The following PCNX2 variants were observed in gnomAD, a reference collection of about 807,000 sequenced individuals.
PCNX2 encodes pecanex 2.
Under a neutral mutation model 223.8 loss-of-function variants are expected in PCNX2, and 168 were observed. The observed-to-expected ratio is 0.75, with a 90% CI of 0.66 to 0.85. The LOEUF (loss-of-function observed/expected upper bound fraction) is 0.85, where lower values mean the gene tolerates loss of function less well. PCNX2 is among the 40% of genes least tolerant of loss of function. The pLI is 0.00. For missense variants in PCNX2, 2,507 were observed against 2,675.5 expected, an observed-to-expected ratio of 0.94 and a Z score of 1.39; for synonymous variants, 1,006 against 1,052.6, an observed-to-expected ratio of 0.96 and a Z score of 0.86.
At chr1:233,208,451 CA>C (rs1377879322) in intron 13 of PCNX2, 66 bp downstream of exon 13, 1 of 1,463,156 alleles carries the variant, frequency 6.8e-7, no homozygotes, top group Non-Finnish European at 9.3e-7. Flanking sequence ...CTTAGAAATT[CA>C]GAAGACAAAG....
chr1:233,179,051 G>A lies in PCNX2; in HGVS notation c.3176+15C>T. 6.2e-7 allele frequency: 1 copy of A among 1,610,722 alleles called. No homozygotes were observed. The highest frequency in any genetic ancestry group is 8.5e-7 in the Non-Finnish European group (1 of 1,177,382). On this transcript the variant is annotated intron_variant, in intron 16 of 33. Transcript: ENST00000258229. ...CCAGCTCAGTGATGAGAGAGCACAG[G>A]CATAGACCACTCACATGAGTACAGA... is the stretch of plus-strand genomic sequence containing the variant.
chr1:233,265,534 G>A (rs1018270066), intron 1 of PCNX2, among the ~76,000 whole-genome samples: 1 of 152,168 alleles, frequency 6.6e-6, no homozygotes, highest in Non-Finnish European at 1.5e-5. Flanking sequence ...TTTTCCAGAT[G>A]ATATGTCTAT....
rs538704347 is a variant in PCNX2, at chr1:233,080,594, A to T, written c.4076+9467T>A. 2.0e-5 allele frequency among the ~76,000 whole-genome samples: 3 copies of T among 152,282 alleles called. No individual in the cohort carries two copies. In the South Asian group the frequency reaches 6.2e-4, roughly 32 times the overall value. On this transcript the variant is annotated intron_variant, in intron 23 of 33. Transcript: ENST00000258229. ...CTATTAAGGGCCTCTTCCAGGTTGC[A>T]GAATGCCAAACTCTCACTGTATCCT...
intron 19 of PCNX2, among the ~76,000 whole-genome samples, chr1:233,151,080 C>T (rs1355962015): frequency 6.6e-6 from 1 of 152,156 alleles, no homozygotes; most frequent in Non-Finnish European, 1.5e-5. Flanking sequence ...CTTACTTTTG[C>T]ATCCTCAACG....
chr1:233,300,603 G>A (rs1482778026), upstream of PCNX2, among the ~76,000 whole-genome samples: 1 of 152,174 alleles, frequency 6.6e-6, no homozygotes, highest in Non-Finnish European at 1.5e-5. Flanking sequence ...GCTTTGCAGA[G>A]CAGTACAATC....
intron 27 of PCNX2, among the ~76,000 whole-genome samples, chr1:233,015,715 AT>A (rs1247863236): frequency 6.6e-6 from 1 of 152,024 alleles, no homozygotes; most frequent in Admixed American, 6.6e-5. Context: ...AAATAAAAAA[AT>A]ATAATAAATT....
chr1:233,152,020 T>C (rs1396035777), intron 19 of PCNX2, among the ~76,000 whole-genome samples: 1 of 152,192 alleles, frequency 6.6e-6, no homozygotes, highest in Non-Finnish European at 1.5e-5. Context: ...TTGGCTTCAC[T>C]GCCAAACCCC....
At chr1:233,050,794 G>A (rs1671977231) in intron 25 of PCNX2, among the ~76,000 whole-genome samples, 1 of 151,948 alleles carries the variant, frequency 6.6e-6, no homozygotes, top group African/African-American at 2.4e-5. Flanking sequence ...GTCTTCAAAA[G>A]CAATTGCAAA....
intron 17 of PCNX2, among the ~76,000 whole-genome samples, chr1:233,173,902 T>C (rs180906322): frequency 1.3e-5 from 2 of 151,912 alleles, no homozygotes; most frequent in Admixed American, 1.3e-4. Context: ...TCTGGTTGTA[T>C]TTATGAATAC....
At chr1:233,259,487 G>C in intron 4 of PCNX2, 143 bp from the exon 5 acceptor site, 1 of 1,246,144 alleles carries the variant, frequency 8.0e-7, no homozygotes, top group Non-Finnish European at 1.1e-6. Flanking sequence ...TTTAAGTTCT[G>C]GGTTACATGT....
At chr1:233,232,639 CT>C (rs1658137186) in intron 9 of PCNX2, among the ~76,000 whole-genome samples, 1 of 152,242 alleles carries the variant, frequency 6.6e-6, no homozygotes, top group African/African-American at 2.4e-5. Context: ...GATGTCTCCT[CT>C]TTTTCATCTC....
chr1:233,004,451 C>A (rs1020494831), intron 28 of PCNX2, among the ~76,000 whole-genome samples: 1 of 150,800 alleles, frequency 6.6e-6, no homozygotes, highest in Non-Finnish European at 1.5e-5. Context: ...AGAGGAAGAA[C>A]AGTTTCTCCT....
At chr1:233,276,520 T>A (rs1318708178) in intron 1 of PCNX2, among the ~76,000 whole-genome samples, 1 of 152,210 alleles carries the variant, frequency 6.6e-6, no homozygotes, top group Non-Finnish European at 1.5e-5. Context: ...TAATTATTAT[T>A]TTATAACACT....
At chr1:233,281,920 C>A (rs1261413799) in intron 1 of PCNX2, among the ~76,000 whole-genome samples, 4 of 152,120 alleles carry the variant, frequency 2.6e-5, no homozygotes, top group Non-Finnish European at 5.9e-5. Context: ...AAATCACAGC[C>A]CTACTCTCAA....
chr1:233,297,192 G>T (rs1476152813), upstream of PCNX2, among the ~76,000 whole-genome samples: 1 of 148,416 alleles, frequency 6.7e-6, no homozygotes, highest in Non-Finnish European at 1.5e-5. Context: ...ATGGGTATAG[G>T]AGGAAAGGTC....
At chr1:233,072,111 A>G (rs1391100038) in intron 23 of PCNX2, among the ~76,000 whole-genome samples, 1 of 152,106 alleles carries the variant, frequency 6.6e-6, no homozygotes, top group Non-Finnish European at 1.5e-5. Flanking sequence ...TACTCTGTGG[A>G]TAGTTTCTTT....
intron 21 of PCNX2, among the ~76,000 whole-genome samples, chr1:233,108,922 AAAGAGT>A (rs1674961073): frequency 6.6e-6 from 1 of 152,248 alleles, no homozygotes; most frequent in East Asian, 1.9e-4. Context: ...AGTTGCAAGT[AAAGAGT>A]AAAACATATA....
chr1:232,985,767 G>A, intron 33 of PCNX2: 4 of 585,750 alleles, frequency 6.8e-6, no homozygotes, highest in Non-Finnish European at 9.1e-6. Context: ...CCTGCTGTGT[G>A]AATGGGTGGA....
chr1:233,083,439 A>C (rs550704003), intron 23 of PCNX2, among the ~76,000 whole-genome samples: 1 of 152,350 alleles, frequency 6.6e-6, no homozygotes, highest in East Asian at 1.9e-4. Flanking sequence ...CAGCTGTAAC[A>C]GCACTCACAG....
Sources: gnomAD v4.1 joint callset for allele counts (sites outside exome capture counted in the v4.1 genomes callset) on GRCh38, gnomAD v4.1.1 for gene constraint, MANE v1.5 for transcripts, NCBI Gene and HGNC (gene_info 2026-07-23, HGNC 2026-07-21) for gene names.